The following ZNF525 variants were observed in gnomAD, a reference collection of about 807,000 sequenced individuals.
The protein encoded by ZNF525 is zinc finger protein 525.
Under a neutral mutation model 37.6 loss-of-function variants are expected in ZNF525, and 33 were observed. The ratio of observed to expected loss-of-function variants is 0.88; its 90% confidence interval spans 0.67 to 1.17. The LOEUF is 1.17. Among genes scored for constraint, ZNF525 ranks in the 50% most tolerant of loss-of-function variants. ZNF525 has a pLI of 0.00. For missense variants in ZNF525, 449 were observed against 543.1 expected, an observed-to-expected ratio of 0.83 and a Z score of 1.72; for synonymous variants, 170 against 182.3, an observed-to-expected ratio of 0.93 and a Z score of 0.54.
At position 53,382,224 on chromosome 19, in the gene ZNF525, A is replaced by C; in HGVS notation, c.*205A>C. Reference sequence around the variant, plus strand: ...ACATAGGAGAATTCACACTGGTGAGAAACCTTACAGGTGTAATAGGTGTGG... The same window carrying C: ...ACATAGGAGAATTCACACTGGTGAGCAACCTTACAGGTGTAATAGGTGTGG... On this transcript the variant is annotated 3_prime_UTR_variant, in exon 4 of 4. Coordinates refer to ENST00000474037, the MANE Select transcript of ZNF525 (RefSeq NM_001348156.2). 1 of 1,577,804 alleles carries C rather than the reference A, an allele frequency of 6.3e-7. No homozygotes were observed. The highest frequency in any genetic ancestry group is 8.7e-7 in the Non-Finnish European group (1 of 1,147,404).
chr19:53,366,766 C>G lies in ZNF525; in HGVS notation c.-68+1007C>G, dbSNP rs564747680. Among the ~76,000 whole-genome samples, 93 of 146,894 alleles carry G rather than the reference C, an allele frequency of 6.3e-4. 1 individual carries two copies. Among genetic ancestry groups the G allele is most frequent in the African/African-American group, 2.1e-3 (80 of 38,196 alleles). Reference sequence around the variant, plus strand: ...AGGGAGAACCACAGCAGGGAGGACACCTGGGGATCTGGGGTGCCAGAGAGT... The same window carrying G: ...AGGGAGAACCACAGCAGGGAGGACAGCTGGGGATCTGGGGTGCCAGAGAGT... On this transcript the variant is annotated intron_variant, in intron 1 of 3. Transcript: ENST00000474037.
In ZNF525 at chr19:53,375,972, A is replaced by C. The variant is rs192670584; in HGVS notation, c.142+76A>C. On this transcript the variant is annotated intron_variant, in intron 3 of 3. Coordinates refer to ENST00000474037, the MANE Select transcript of ZNF525 (RefSeq NM_001348156.2). ...TATTTTCTCTTTTTTTAGATAGAGT[A>C]TCTCTCTCTCTGTCCCCAAGGGTGG... is the stretch of plus-strand genomic sequence containing the variant. The C allele has an allele frequency of 7.9e-4, 1,262 of 1,606,130 alleles. 4 individuals are homozygous for C. The African/African-American group carries it at 0.015, about 19-fold the overall frequency.
intron 3 of ZNF525, among the ~76,000 whole-genome samples, chr19:53,378,086 GC>G (rs541850685): frequency 2.0e-5 from 3 of 152,160 alleles, no homozygotes; most frequent in Non-Finnish European, 2.9e-5. Flanking sequence ...AGTTTGGGAT[GC>G]TGAGGTGGGC....
chr19:53,375,220 C>T (rs771141438), intron 2 of ZNF525, among the ~76,000 whole-genome samples: 3 of 152,106 alleles, frequency 2.0e-5, no homozygotes, highest in Admixed American at 6.5e-5. Context: ...TCACTGTGGA[C>T]GTTGTAATCT....
At position 53,383,638 on chromosome 19, in the gene ZNF525, A is replaced by C. The variant is rs1421850877; in HGVS notation, c.*1619A>C. 23 of 1,157,384 alleles carry C rather than the reference A, an allele frequency of 2.0e-5. No homozygotes were observed. Among genetic ancestry groups the C allele is most frequent in the Non-Finnish European group, 2.8e-5 (23 of 825,504 alleles). The allele number at this position is 1,157,384 out of a possible 1,614,324, so 71.7% of individuals were successfully genotyped here. A position where few individuals can be genotyped will look rare whatever the true frequency, so the allele number is the denominator to read the frequency against. ...TTCACCATCAGGCAATCCGTAGTGTAGGGAAACTTGACTAACGTAATGATT... is the reference window on the plus strand; with the variant it reads ...TTCACCATCAGGCAATCCGTAGTGTCGGGAAACTTGACTAACGTAATGATT... On this transcript the variant is annotated 3_prime_UTR_variant, in exon 4 of 4. Transcript: ENST00000474037.
intron 3 of ZNF525, among the ~76,000 whole-genome samples, chr19:53,376,631 G>C (rs561505433): frequency 6.6e-6 from 1 of 152,098 alleles, no homozygotes; most frequent in Non-Finnish European, 1.5e-5. Flanking sequence ...AGGCTGCAGC[G>C]CAGTGGGGCG....
chr19:53,367,007 T>C (rs868231665), intron 1 of ZNF525, among the ~76,000 whole-genome samples: 1 of 151,986 alleles, frequency 6.6e-6, no homozygotes, highest in Non-Finnish European at 1.5e-5. Flanking sequence ...AGAAGCAGAG[T>C]AGAAGCAGTT....
chr19:53,380,724 A>T lies in ZNF525; in HGVS notation c.145A>T (p.Ile49Phe), dbSNP rs756523023. Residue 49 changes from isoleucine (I) to phenylalanine (F), a missense_variant and splice_region_variant, in exon 4 of 4, where the codon ATC (isoleucine) becomes TTC (phenylalanine). Ile to Phe is a conservative substitution (Grantham distance 21, BLOSUM62 0). Coordinates refer to ENST00000474037, the MANE Select transcript of ZNF525 (RefSeq NM_001348156.2). ...ENYRNLVSLG[I>F]SSKCTMKEFS... is the part of the protein sequence containing the mutation. ...CTATTAGTGTTTATATTTTGTAGGT[A>T]TCTCTTCCAAATGCACAATGAAGGA... 1 of 1,165,416 alleles carries T rather than the reference A, an allele frequency of 8.6e-7. No individual in the cohort carries two copies. Among genetic ancestry groups the T allele is most frequent in the Non-Finnish European group, 1.3e-6 (1 of 787,072 alleles). 72.2% of individuals were successfully genotyped at this position (1,165,416 alleles called of 1,614,324 possible). A position where few individuals can be genotyped will look rare whatever the true frequency, so the allele number is the denominator to read the frequency against.
In ZNF525 at chr19:53,382,929, G is replaced by A; in HGVS notation, c.*910G>A. On this transcript the variant is annotated 3_prime_UTR_variant, in exon 4 of 4. Coordinates refer to ENST00000474037, the MANE Select transcript of ZNF525 (RefSeq NM_001348156.2). ...TGTAATGAGTGTGGTAAGATGTTCA[G>A]TCAAAATTCGGCCCTTGTAATTCAT... 1 of 1,475,712 alleles carries A rather than the reference G, an allele frequency of 6.8e-7. No homozygotes were observed. The highest frequency in any genetic ancestry group is 9.4e-7 in the Non-Finnish European group (1 of 1,061,822). 91.4% of individuals were successfully genotyped at this position (1,475,712 alleles called of 1,614,324 possible).
At chr19:53,368,140 G>T (rs1201047470) in intron 1 of ZNF525, among the ~76,000 whole-genome samples, 1 of 152,062 alleles carries the variant, frequency 6.6e-6, no homozygotes, top group Non-Finnish European at 1.5e-5. Flanking sequence ...ATTGTTTCAA[G>T]TACACAAGCC....
Position 53,366,290 on chromosome 19 carries a change from TA to T in ZNF525, c.-68+532del, listed in dbSNP as rs368841998. 2.9e-3 allele frequency among the ~76,000 whole-genome samples: 293 copies of T among 102,624 alleles called. 76 individuals carry two copies. The highest frequency in any genetic ancestry group is 5.5e-3 in the East Asian group (23 of 4,156). 67.3% of individuals were successfully genotyped at this position (102,624 alleles called of 152,430 possible). On this transcript the variant is annotated intron_variant, in intron 1 of 3. Transcript: ENST00000474037. ...GTCACAGCTTGCCCTGAGCCTGCGT[TA>T]GGGGAGGTGCCCGGGTTCTGTCCTG...
rs567973557 is a variant in ZNF525, at chr19:53,375,886, G to C, written c.132G>C (p.Leu44=). 18 of 1,613,684 alleles carry C rather than the reference G, an allele frequency of 1.1e-5. No individual in the cohort carries two copies. The highest frequency in any genetic ancestry group is 2.2e-5 in the East Asian group (1 of 44,876). ...RDVMLENYRN[L]VSLGISSKCT... is the part of the protein sequence containing the mutation. Reference sequence around the variant, plus strand: ...TGATGCTGGAGAATTATAGGAACCTGGTCTCCCTGGGTGAGGATAACTTCC... The same window carrying C: ...TGATGCTGGAGAATTATAGGAACCTCGTCTCCCTGGGTGAGGATAACTTCC... The change falls in exon 3 of 4, where the codon CTG becomes CTC. Residue 44 remains leucine (L), a synonymous_variant. Coordinates refer to ENST00000474037, the MANE Select transcript of ZNF525 (RefSeq NM_001348156.2).
rs1488052158 is a variant in ZNF525, at chr19:53,382,484, T to C, written c.*465T>C. 37 of 690,204 alleles carry C rather than the reference T, an allele frequency of 5.4e-5. No individual in the cohort carries two copies. The highest frequency in any genetic ancestry group is 1.4e-5 in the South Asian group (1 of 70,964). 42.8% of individuals were successfully genotyped at this position (690,204 alleles called of 1,614,324 possible). ...GACTTCATACTGGAAATAAATCTTATAAGTGTAATGAGTGTGGCAAGACCT... is the reference window on the plus strand; with the variant it reads ...GACTTCATACTGGAAATAAATCTTACAAGTGTAATGAGTGTGGCAAGACCT... On this transcript the variant is annotated 3_prime_UTR_variant, in exon 4 of 4. Coordinates refer to ENST00000474037, the MANE Select transcript of ZNF525 (RefSeq NM_001348156.2).
intron 1 of ZNF525, among the ~76,000 whole-genome samples, chr19:53,366,798 AG>A (rs552852597): frequency 1.4e-5 from 2 of 139,462 alleles, no homozygotes; most frequent in Admixed American, 7.0e-5. Flanking sequence ...GAGTGGGGAC[AG>A]GGGGTATAAC....
In ZNF525 at chr19:53,373,889, T is replaced by G. The variant is rs2085504357; in HGVS notation, c.15+1593T>G. 2.0e-5 allele frequency among the ~76,000 whole-genome samples: 3 copies of G among 152,160 alleles called. No individual in the cohort carries two copies. In the South Asian group the frequency reaches 6.2e-4, roughly 32 times the overall value. ...TTTGGGGCTGCATGTGCAGGTTTGTTACATAGGTAAACTAGGGTCATCAGG... is the reference window on the plus strand; with the variant it reads ...TTTGGGGCTGCATGTGCAGGTTTGTGACATAGGTAAACTAGGGTCATCAGG... On this transcript the variant is annotated intron_variant, in intron 2 of 3. Transcript: ENST00000474037.
At chr19:53,366,458 A>G (rs2085445355) in intron 1 of ZNF525, among the ~76,000 whole-genome samples, 5 of 151,922 alleles carry the variant, frequency 3.3e-5, no homozygotes, top group Admixed American at 2.6e-4. Context: ...AACCTGAGAC[A>G]GAGAAAAGAA....
intron 1 of ZNF525, 104 bp from the exon 2 acceptor site, chr19:53,372,111 G>C (rs1234474443): frequency 1.6e-5 from 8 of 501,460 alleles, no homozygotes; most frequent in African/African-American, 3.9e-5. Flanking sequence ...GCAGTAGAGG[G>C]GACTGTATTT....
chr19:53,366,620 G>A (rs1299482559), intron 1 of ZNF525, among the ~76,000 whole-genome samples: 15 of 151,490 alleles, frequency 9.9e-5, no homozygotes, highest in Admixed American at 9.2e-4. Flanking sequence ...ACAGAGAGAT[G>A]AAGGACAGCA....
At chr19:53,367,313 ATTT>A (rs1555826371) in intron 1 of ZNF525, among the ~76,000 whole-genome samples, 179 of 76,488 alleles carry the variant, frequency 2.3e-3, no homozygotes, top group African/African-American at 5.4e-3. Context: ...GAATGAATAC[ATTT>A]TTTTTTTTAA....
Sources: gnomAD v4.1 joint callset for allele counts (sites outside exome capture counted in the v4.1 genomes callset) on GRCh38, gnomAD v4.1.1 for gene constraint, MANE v1.5 for transcripts, NCBI Gene and HGNC (gene_info 2026-07-23, HGNC 2026-07-21) for gene names.